NCOR1: variants seen among roughly 807,000 people sequenced by gnomAD.
The protein encoded by NCOR1 is protein phosphatase 1, regulatory subunit 109.
A neutral mutation model predicts 288.1 loss-of-function variants in NCOR1; 63 were observed. The ratio of observed to expected loss-of-function variants is 0.22; its 90% CI spans 0.18 to 0.27. The LOEUF is 0.27. Ranked by LOEUF, NCOR1 falls within the 10% of genes least tolerant of loss-of-function variation. The pLI is 1.00. For missense variants in NCOR1, 2,397 were observed against 3,019.2 expected (o/e 0.79, Z 4.83); for synonymous variants, 1,007 against 1,065.9 (o/e 0.94, Z 1.08).
intron 42 of NCOR1, 25 bp from the exon 43 acceptor site, chr17:16,040,519 TAA>T (rs2057362667): frequency 6.2e-7 from 1 of 1,604,304 alleles, no homozygotes; most frequent in East Asian, 2.2e-5. Flanking sequence ...ACATTCAAGT[TAA>T]TTAAGATGTG....
chr17:16,184,166 C>T (rs2086117321), intron 3 of NCOR1, among the ~76,000 whole-genome samples: 1 of 152,146 alleles, frequency 6.6e-6, no homozygotes, highest in Non-Finnish European at 1.5e-5. Flanking sequence ...GGGACACCGA[C>T]CTTGGCAATG....
rs751622424 is a variant in NCOR1 at position 16,061,851 on chromosome 17, C to T, written c.5431G>A (p.Ala1811Thr). The change falls in exon 37 of 46, where the codon GCC (alanine) becomes ACC (threonine). Residue 1811 changes from alanine (A) to threonine (T), a missense_variant. Transcript: ENST00000268712. The part of the protein sequence containing the change: ...GGPSISQGLP[A>T]SRYNTAADAL... ...TCCGCAGCAGTGTTGTAACGGGAGG[C>T]TGGCAGGCCTTGGCTTATTGAAGGG... 1 of 1,613,700 alleles carries T rather than the reference C, an allele frequency of 6.2e-7. No individual in the cohort carries two copies. Among genetic ancestry groups the T allele is most frequent in the Non-Finnish European group, 8.5e-7 (1 of 1,179,786 alleles).
At chr17:16,114,529 G>A (rs552578381) in intron 18 of NCOR1, among the ~76,000 whole-genome samples, 49 of 152,300 alleles carry the variant, frequency 3.2e-4, no homozygotes, top group African/African-American at 1.1e-3. Context: ...GCCTGTGAAA[G>A]CAGAAGCAAG....
At chr17:16,214,769 C>G (rs2092410678) in intron 1 of NCOR1, among the ~76,000 whole-genome samples, 1 of 152,246 alleles carries the variant, frequency 6.6e-6, no homozygotes, top group Admixed American at 6.5e-5. Context: ...AAGGGGTGCA[C>G]TTACGGACTT....
At chr17:16,044,006 C>T (rs1260494044) in intron 42 of NCOR1, among the ~76,000 whole-genome samples, 1 of 151,828 alleles carries the variant, frequency 6.6e-6, no homozygotes, top group African/African-American at 2.4e-5. Context: ...CCCGTCTGTA[C>T]TAAAAATACA....
chr17:16,143,488 C>T, intron 11 of NCOR1, 118 bp downstream of exon 11: 1 of 723,606 alleles, frequency 1.4e-6, no homozygotes, highest in Non-Finnish European at 2.3e-6. Context: ...CTTTGACAGT[C>T]TAAACTCTAG....
intron 14 of NCOR1, among the ~76,000 whole-genome samples, chr17:16,129,471 CT>C (rs1173209523): frequency 1.3e-5 from 2 of 151,308 alleles, no homozygotes; most frequent in African/African-American, 4.8e-5. Flanking sequence ...CTGCCAGTTC[CT>C]CTTTCTTCTG....
At chr17:16,139,977 G>A (rs114796621) in intron 11 of NCOR1, among the ~76,000 whole-genome samples, 1,985 of 152,276 alleles carry the variant, frequency 0.013, 29 homozygotes, top group East Asian at 0.05. Flanking sequence ...CTCTCAATCA[G>A]TTTGAACACT....
chr17:16,139,561 T>C (rs1446592717), intron 11 of NCOR1, among the ~76,000 whole-genome samples: 1 of 152,194 alleles, frequency 6.6e-6, no homozygotes, highest in Non-Finnish European at 1.5e-5. Flanking sequence ...TTTTTTAAAG[T>C]CTCAACATCA....
chr17:16,053,833 T>C (rs576762307), intron 40 of NCOR1, among the ~76,000 whole-genome samples: 1 of 152,026 alleles, frequency 6.6e-6, no homozygotes, highest in South Asian at 2.1e-4. Flanking sequence ...ATTGTATTGG[T>C]ACAAAGATAA....
intron 3 of NCOR1, among the ~76,000 whole-genome samples, chr17:16,178,950 C>CA (rs1283464194): frequency 8.7e-6 from 1 of 115,014 alleles, no homozygotes; most frequent in Admixed American, 8.5e-5. Context: ...ACTAAAACTA[C>CA]AAAAAAAGTT....
chr17:16,211,214 A>C (rs1386882561), intron 1 of NCOR1, among the ~76,000 whole-genome samples: 1 of 152,044 alleles, frequency 6.6e-6, no homozygotes, highest in Non-Finnish European at 1.5e-5. Context: ...AGACTAGATA[A>C]TCTGACTCTA....
At chr17:16,128,285 T>C (rs1254334810) in intron 14 of NCOR1, among the ~76,000 whole-genome samples, 4 of 152,198 alleles carry the variant, frequency 2.6e-5, no homozygotes, top group African/African-American at 4.8e-5. Flanking sequence ...AAGTCCCACA[T>C]AGTCTCTACA....
chr17:16,199,216 A>AAAAAACACACAC (rs1337668798), intron 1 of NCOR1, among the ~76,000 whole-genome samples: 2 of 122,318 alleles, frequency 1.6e-5, no homozygotes, highest in African/African-American at 3.3e-5. Flanking sequence ...AAAAAAAAAA[A>AAAAAACACACAC]ACACACACAC....
chr17:16,106,867 ATATATATATATATATATTTTTTTTT>A (rs1230007225), intron 19 of NCOR1, among the ~76,000 whole-genome samples: 9 of 43,968 alleles, frequency 2.0e-4, no homozygotes, highest in African/African-American at 1.1e-3. Context: ...ATATATATAT[ATATATATATATATATATTTTTTTTT>A]TTTTTTTTTT....
intron 21 of NCOR1, among the ~76,000 whole-genome samples, chr17:16,095,724 G>A (rs2066452713): frequency 7.4e-6 from 1 of 135,964 alleles, no homozygotes; most frequent in Admixed American, 7.3e-5. Context: ...CCCCCGCCCG[G>A]CCAGCCGCCC....
At chr17:16,205,130 G>A (rs192486593) in intron 1 of NCOR1, among the ~76,000 whole-genome samples, 65 of 151,820 alleles carry the variant, frequency 4.3e-4, no homozygotes, top group African/African-American at 1.5e-3. Context: ...TAAGGCAGGA[G>A]AATCACTTGA....
rs111435348 is a variant in NCOR1 at position 16,209,997 on chromosome 17, A to C, written c.-71+5365T>G. On this transcript the variant is annotated intron_variant, in intron 1 of 45. Transcript: ENST00000268712. ...TGCTATTTATCTAAGCTTTTATATT[A>C]ATATAACAATTGAAATCCTTCATAC... is the stretch of plus-strand genomic sequence containing the variant. Among the ~76,000 whole-genome samples the C allele has an allele frequency of 6.4e-3, 980 of 152,204 alleles. 14 individuals carry two copies. The highest frequency in any genetic ancestry group is 0.023 in the African/African-American group (947 of 41,544).
intron 4 of NCOR1, among the ~76,000 whole-genome samples, chr17:16,168,796 C>T (rs370576270): frequency 1.3e-5 from 2 of 151,926 alleles, no homozygotes; most frequent in Admixed American, 6.5e-5. Flanking sequence ...CATGGTGAAA[C>T]CTCGTCTCCA....
Sources: gnomAD v4.1 joint callset for allele counts (sites outside exome capture counted in the v4.1 genomes callset) on GRCh38, gnomAD v4.1.1 for gene constraint, MANE v1.5 for transcripts, NCBI Gene and HGNC (gene_info 2026-07-23, HGNC 2026-07-21) for gene names.